The following ANKRD28 variants were observed in gnomAD, a reference collection of about 807,000 sequenced individuals.
ANKRD28 encodes the protein ankyrin repeat domain 28.
Under a neutral mutation model 126.5 loss-of-function variants are expected in ANKRD28, and 44 were observed. The ratio of observed to expected loss-of-function variants is 0.35; its 90% CI spans 0.27 to 0.45. The LOEUF (loss-of-function observed/expected upper bound fraction) is 0.45. Ranked by LOEUF, ANKRD28 falls within the 20% of genes least tolerant of loss-of-function variation. The pLI is 1.00. For synonymous variants in ANKRD28, 442 were observed against 468.5 expected, an observed-to-expected ratio of 0.94 and a Z score of 0.73; for missense variants, 1,110 against 1,316.6, an observed-to-expected ratio of 0.84 and a Z score of 2.43.
intron 1 of ANKRD28, among the ~76,000 whole-genome samples, chr3:15,824,012 C>T (rs564965964): frequency 6.6e-6 from 1 of 152,184 alleles, no homozygotes; most frequent in Non-Finnish European, 1.5e-5. Context: ...ATAAAGATGC[C>T]ACTTTTCACC....
chr3:15,755,381 A>C (rs889352358), intron 3 of ANKRD28, among the ~76,000 whole-genome samples: 1 of 152,236 alleles, frequency 6.6e-6, no homozygotes, highest in Non-Finnish European at 1.5e-5. Context: ...AAAATGAAAA[A>C]GAGTGTAAAA....
At position 15,845,499 on chromosome 3, in the gene ANKRD28, T is replaced by C. The variant is rs929610805; in HGVS notation, c.27+13878A>G. ...ATCATTCAGGCACTTACAGACATGC[T>C]AGTTTCTAACTACCTGCCTATGCCT... On this transcript the variant is annotated intron_variant, in intron 1 of 27. Coordinates refer to the ANKRD28 transcript ENST00000399451. The surrounding 1 kb of genome is among the most constrained non-coding windows in gnomAD (Gnocchi z 4.9). 2.6e-5 allele frequency among the ~76,000 whole-genome samples: 4 copies of C among 152,200 alleles called. No individual in the cohort carries two copies. The highest frequency in any genetic ancestry group is 7.2e-5 in the African/African-American group (3 of 41,448).
intron 2 of ANKRD28, among the ~76,000 whole-genome samples, chr3:15,772,297 G>C (rs1245466659): frequency 6.6e-6 from 1 of 152,116 alleles, no homozygotes; most frequent in African/African-American, 2.4e-5. Context: ...TAATCTTCAA[G>C]TCAGAATGAT....
chr3:15,747,914 G>A (rs1324337193), intron 4 of ANKRD28, among the ~76,000 whole-genome samples: 1 of 152,174 alleles, frequency 6.6e-6, no homozygotes, highest in Non-Finnish European at 1.5e-5. Flanking sequence ...ACATTTTCCT[G>A]TTGGACTAGT....
chr3:15,787,145 C>T (rs1232436610), intron 2 of ANKRD28, among the ~76,000 whole-genome samples: 1 of 152,062 alleles, frequency 6.6e-6, no homozygotes, highest in African/African-American at 2.4e-5. Context: ...TATGGACTGA[C>T]TCCTAAAATA....
chr3:15,677,230 G>A (rs1418746567), intron 25 of ANKRD28, among the ~76,000 whole-genome samples, 174 bp from the exon 26 acceptor site: 1 of 152,130 alleles, frequency 6.6e-6, no homozygotes, highest in East Asian at 1.9e-4. Context: ...GTGAGGGTAG[G>A]AGAAGAGGAC....
At chr3:15,792,735 T>C (rs2060090425) in intron 2 of ANKRD28, among the ~76,000 whole-genome samples, 1 of 152,210 alleles carries the variant, frequency 6.6e-6, no homozygotes, top group Non-Finnish European at 1.5e-5. Flanking sequence ...ACTCAAAGGA[T>C]AAATGCTTGA....
At chr3:15,756,486 T>A in intron 3 of ANKRD28, 1 of 985,230 alleles carries the variant, frequency 1.0e-6, no homozygotes, top group Non-Finnish European at 1.2e-6. Flanking sequence ...TTACTTACAT[T>A]AGTCTAGGGC....
intron 26 of ANKRD28, 36 bp downstream of exon 26, chr3:15,676,938 G>T: frequency 3.3e-6 from 5 of 1,530,890 alleles, no homozygotes; most frequent in Non-Finnish European, 4.5e-6. Flanking sequence ...ATAATTATAG[G>T]TCACAAAGTT....
At chr3:15,855,216 A>C (rs1452221873) in intron 1 of ANKRD28, among the ~76,000 whole-genome samples, 1 of 152,132 alleles carries the variant, frequency 6.6e-6, no homozygotes. Flanking sequence ...CCCCTCAAAC[A>C]ATGTTCCACT....
chr3:15,808,594 T>C (rs2060639345), intron 1 of ANKRD28, among the ~76,000 whole-genome samples: 1 of 152,214 alleles, frequency 6.6e-6, no homozygotes, highest in Non-Finnish European at 1.5e-5. Context: ...TGGGAAGACC[T>C]TGTAGTTGCA....
At chr3:15,718,940 A>G (rs546175505) in intron 8 of ANKRD28, among the ~76,000 whole-genome samples, 2 of 152,318 alleles carry the variant, frequency 1.3e-5, no homozygotes, top group South Asian at 4.1e-4. Flanking sequence ...AACTGTCTAG[A>G]TATTTTTCTG....
At chr3:15,723,295 C>T (rs1261859629) in intron 7 of ANKRD28, among the ~76,000 whole-genome samples, 1 of 152,256 alleles carries the variant, frequency 6.6e-6, no homozygotes, top group Non-Finnish European at 1.5e-5. Flanking sequence ...TTTAGCCCTA[C>T]AGTTCTGTCA....
At chr3:15,774,767 T>C (rs2059177002) in intron 2 of ANKRD28, among the ~76,000 whole-genome samples, 1 of 152,192 alleles carries the variant, frequency 6.6e-6, no homozygotes, top group African/African-American at 2.4e-5. Flanking sequence ...GGAGAAGATA[T>C]CTGCAACACA....
At chr3:15,675,478 T>C (rs560397076) in intron 27 of ANKRD28, among the ~76,000 whole-genome samples, 3 of 152,094 alleles carry the variant, frequency 2.0e-5, no homozygotes, top group Non-Finnish European at 2.9e-5. Flanking sequence ...GCGAAAAATG[T>C]TACTCCAGGA....
At position 15,713,602 on chromosome 3, in the gene ANKRD28, G is replaced by A; in HGVS notation, c.1115C>T (p.Pro372Leu). Residue 372 changes from proline to leucine, a missense_variant, in exon 10 of 28, where the codon CCT (proline) becomes CTT (leucine). Transcript: ENST00000683139. ...IDCEDKNGNT[P>L]LHIAARYGHE... is the part of the protein sequence containing the mutation. ...GCCATACCGTGCTGCTATGTGCAAA[G>A]GGGTATTTCCATTCTTATCCTCACA... is the stretch of plus-strand genomic sequence containing the variant. 1 of 1,610,116 alleles carries A rather than the reference G, an allele frequency of 6.2e-7. No individual in the cohort carries two copies. Among genetic ancestry groups the A allele is most frequent in the Non-Finnish European group, 8.5e-7 (1 of 1,178,630 alleles).
At chr3:15,717,827 T>C (rs924293342) in intron 8 of ANKRD28, among the ~76,000 whole-genome samples, 2 of 152,212 alleles carry the variant, frequency 1.3e-5, no homozygotes, top group Non-Finnish European at 2.9e-5. Flanking sequence ...ATTTTACCTC[T>C]ACCACTTTGC....
chr3:15,808,181 A>G (rs1347956918), intron 1 of ANKRD28, among the ~76,000 whole-genome samples: 1 of 152,236 alleles, frequency 6.6e-6, no homozygotes, highest in Non-Finnish European at 1.5e-5. Flanking sequence ...AAGTTAAATT[A>G]GCAGTTGTTA....
At chr3:15,723,873 T>A (rs553521694) in intron 7 of ANKRD28, among the ~76,000 whole-genome samples, 4 of 152,268 alleles carry the variant, frequency 2.6e-5, no homozygotes, top group African/African-American at 9.6e-5. Context: ...AATTCAGGAA[T>A]CAAATATGTC....
Sources: allele counts gnomAD v4.1 joint callset (sites outside exome capture counted in the v4.1 genomes callset), GRCh38; gene constraint gnomAD v4.1.1; non-coding constraint Gnocchi (gnomAD v3.1); transcripts MANE v1.5; gene names NCBI Gene and HGNC (gene_info 2026-07-23, HGNC 2026-07-21).